The following NRTN variants were observed in gnomAD, a reference collection of about 807,000 sequenced individuals.
NRTN encodes prepro-neurturin.
NRTN carries 3 observed loss-of-function variants against 7.5 expected under a neutral mutation model. The observed-to-expected ratio is 0.40, with a 90% confidence interval of 0.18 to 1.03. The LOEUF (loss-of-function observed/expected upper bound fraction) is 1.03. Among genes scored for constraint, NRTN ranks in the 50% least tolerant of loss-of-function variants. The probability of loss-of-function intolerance (pLI) is 0.34; values close to 1 mark genes in which losing one functional copy is unlikely to be tolerated. For synonymous variants in NRTN, 157 were observed against 146.6 expected (o/e 1.07, Z -0.51); for missense variants, 310 against 307.0 (o/e 1.01, Z -0.07).
At chr19:5,810,706 G>A (rs1048625202) in intron 1 of NRTN, among the ~76,000 whole-genome samples, 10 of 152,066 alleles carry the variant, frequency 6.6e-5, no homozygotes, top group Admixed American at 6.6e-4. Context: ...GGCCGAGGCG[G>A]GCGGATCACG....
At position 5,806,879 on chromosome 19, in the gene NRTN, G is replaced by A. The variant is rs959703392; in HGVS notation, c.-399+1428G>A. Among the ~76,000 whole-genome samples, 5 of 152,146 alleles carry A rather than the reference G, an allele frequency of 3.3e-5. No individual in the cohort carries two copies. Among genetic ancestry groups the A allele is most frequent in the African/African-American group, 7.2e-5 (3 of 41,430 alleles). Reference sequence around the variant, plus strand: ...GAAGGGACTCAAAAAGTTTGCAGCCGGGCACAACACAATCAAAAGATTGTT... The same window carrying A: ...GAAGGGACTCAAAAAGTTTGCAGCCAGGCACAACACAATCAAAAGATTGTT... On this transcript the variant is annotated intron_variant, in intron 1 of 2. Transcript: ENST00000303212. This position sits in a 1 kb window ranked among gnomAD's most constrained non-coding sequence, Gnocchi z 5.4.
At chr19:5,815,265 G>T (rs904033028) in intron 1 of NRTN, among the ~76,000 whole-genome samples, 1 of 152,156 alleles carries the variant, frequency 6.6e-6, no homozygotes, top group Non-Finnish European at 1.5e-5. Context: ...TGTGAGTGGG[G>T]AAAACCTGTG....
intron 1 of NRTN, among the ~76,000 whole-genome samples, chr19:5,809,190 TGAGACGGTGTTGCTCTGTCGCCCAGACTA>T (rs2056982756): frequency 1.3e-5 from 2 of 149,454 alleles, no homozygotes; most frequent in Non-Finnish European, 3.0e-5. Context: ...TTTTTTTTTC[TGAGACGGTGTTGCTCTGTCGCCCAGACTA>T]GAGTGCAGTG....
intron 1 of NRTN, among the ~76,000 whole-genome samples, chr19:5,816,401 C>T (rs767864862): frequency 1.3e-5 from 2 of 151,964 alleles, no homozygotes; most frequent in Admixed American, 6.6e-5. Context: ...ATTTTTGAGA[C>T]GGAGTCTTGC....
chr19:5,814,196 G>A (rs1277821193), intron 1 of NRTN, among the ~76,000 whole-genome samples: 6 of 152,050 alleles, frequency 3.9e-5, no homozygotes, highest in South Asian at 2.1e-4. Flanking sequence ...AAACTCAGCC[G>A]AAGATGTCCC....
In NRTN at chr19:5,827,839, C is replaced by CG; in HGVS notation, c.264dup (p.Pro89AlafsTer151). Reference sequence around the variant, plus strand: ...CGGCCCCCAGGTCCGCGCCGTCGGGCGGGGCCCCGGCGGCGGCGCGCGCGT... The same window carrying CG: ...CGGCCCCCAGGTCCGCGCCGTCGGGCGGGGGCCCCGGCGGCGGCGCGCGCGT... On this transcript the variant is annotated frameshift_variant, in exon 3 of 3. Transcript: ENST00000303212. LOFTEE classifies it low-confidence loss of function (END_TRUNC). The CG allele has an allele frequency of 8.6e-7, 1 of 1,166,394 alleles. No individual in the cohort carries two copies. Among genetic ancestry groups the CG allele is most frequent in the Non-Finnish European group, 1.1e-6 (1 of 949,582 alleles). 72.3% of individuals were successfully genotyped at this position (1,166,394 alleles called of 1,614,324 possible).
At chr19:5,821,294 CTTTTTTTTTTTTTT>C (rs33932385) in intron 1 of NRTN, among the ~76,000 whole-genome samples, 1 of 49,180 alleles carries the variant, frequency 2.0e-5, no homozygotes, top group African/African-American at 9.9e-5. Context: ...CAGTGCCTAG[CTTTTTTTTTTTTTT>C]TTTTTTTTTT....
At chr19:5,810,669 C>T (rs776014330) in intron 1 of NRTN, among the ~76,000 whole-genome samples, 9 of 151,950 alleles carry the variant, frequency 5.9e-5, no homozygotes, top group Non-Finnish European at 7.4e-5. Flanking sequence ...CGCAGTGGCT[C>T]GTGCCTGTAA....
At chr19:5,822,452 C>A (rs892188999) in intron 1 of NRTN, among the ~76,000 whole-genome samples, 3 of 152,220 alleles carry the variant, frequency 2.0e-5, no homozygotes, top group Non-Finnish European at 2.9e-5. Flanking sequence ...CTGGGGGCCG[C>A]GGGACGCTCG....
At chr19:5,815,740 T>G (rs1215650919) in intron 1 of NRTN, among the ~76,000 whole-genome samples, 1 of 130,152 alleles carries the variant, frequency 7.7e-6, no homozygotes, top group Non-Finnish European at 1.5e-5. Flanking sequence ...CCGGCCTGTT[T>G]TTTTTTTTTT....
Position 5,824,039 on chromosome 19 carries a change from C to G in NRTN, c.-127C>G. The G allele has an allele frequency of 8.2e-7, 1 of 1,212,288 alleles. No individual in the cohort carries two copies. The highest frequency in any genetic ancestry group is 1.2e-6 in the Non-Finnish European group (1 of 842,296). 75.1% of individuals were successfully genotyped at this position (1,212,288 alleles called of 1,614,324 possible). On this transcript the variant is annotated 5_prime_UTR_variant, in exon 2 of 3. In the 5' UTR this introduces an upstream ATG that the reference lacks. Coordinates refer to ENST00000303212, the MANE Select transcript of NRTN (RefSeq NM_004558.5). Reference sequence around the variant, plus strand: ...TGAGGGACCATTCCCATGTGATTATCGACCATTCGGCAGGCGTTCAAAGTC... The same window carrying G: ...TGAGGGACCATTCCCATGTGATTATGGACCATTCGGCAGGCGTTCAAAGTC...
intron 2 of NRTN, among the ~76,000 whole-genome samples, chr19:5,825,195 G>A (rs1402670064): frequency 6.6e-6 from 1 of 152,092 alleles, no homozygotes; most frequent in Admixed American, 6.5e-5. Context: ...TGCTGCTATA[G>A]GGACACAGAA....
At chr19:5,820,434 C>T (rs549984955) in intron 1 of NRTN, among the ~76,000 whole-genome samples, 20 of 151,228 alleles carry the variant, frequency 1.3e-4, no homozygotes, top group South Asian at 6.3e-4. Context: ...GGTGTGGTGG[C>T]GGGCGCCTGT....
intron 1 of NRTN, among the ~76,000 whole-genome samples, chr19:5,816,534 A>G (rs1428291099): frequency 7.2e-5 from 11 of 151,992 alleles, no homozygotes. Flanking sequence ...ATCTGCCACC[A>G]TGACTGGCTA....
At chr19:5,824,359 C>T (rs769581372) in intron 2 of NRTN, 25 bp downstream of exon 2, 3 of 1,581,398 alleles carry the variant, frequency 1.9e-6, no homozygotes, top group Non-Finnish European at 2.6e-6. Flanking sequence ...TGTGTGGGGT[C>T]AGATACCCCC....
Position 5,806,921 on chromosome 19 carries a change from G to A in NRTN, c.-399+1470G>A, listed in dbSNP as rs1001181024. ...AAGATTGTTTCGACAAATGTGTGTC[G>A]ATGGCAACCGCGTGGTTGACTGGTG... On this transcript the variant is annotated intron_variant, in intron 1 of 2. Coordinates refer to ENST00000303212, the MANE Select transcript of NRTN (RefSeq NM_004558.5). This position sits in a 1 kb window ranked among gnomAD's most constrained non-coding sequence, Gnocchi z 5.4. Among the ~76,000 whole-genome samples the A allele has an allele frequency of 3.9e-5, 6 of 152,170 alleles. No individual in the cohort carries two copies. The highest frequency in any genetic ancestry group is 2.0e-4 in the Admixed American group (3 of 15,270).
rs1398781869 is a variant in NRTN, at chr19:5,824,095, C to T, written c.-71C>T. The stretch of plus-strand genomic sequence containing the variant: ...CCCCACACTGAGTCCTGGCCCAGCG[C>T]CCTGTGCCCGTTGGCTGCTGGAGGG... On this transcript the variant is annotated 5_prime_UTR_variant, in exon 2 of 3. Transcript: ENST00000303212. 6.3e-7 allele frequency: 1 copy of T among 1,584,038 alleles called. No individual in the cohort carries two copies. Among genetic ancestry groups the T allele is most frequent in the African/African-American group, 1.3e-5 (1 of 74,600 alleles).
At chr19:5,812,178 A>ATTATTG (rs1228895808) in intron 1 of NRTN, among the ~76,000 whole-genome samples, 2 of 150,756 alleles carry the variant, frequency 1.3e-5, no homozygotes, top group African/African-American at 4.9e-5. Context: ...CCCAGTTATT[A>ATTATTG]TTATTATTAT....
intron 1 of NRTN, among the ~76,000 whole-genome samples, chr19:5,815,089 G>A (rs2057000856): frequency 6.6e-6 from 1 of 152,194 alleles, no homozygotes; most frequent in Non-Finnish European, 1.5e-5. Context: ...TCCTCCCACC[G>A]TGTCTGTGCG....
Sources: allele counts gnomAD v4.1 joint callset (sites outside exome capture counted in the v4.1 genomes callset), GRCh38; gene constraint gnomAD v4.1.1; non-coding constraint Gnocchi (gnomAD v3.1); transcripts MANE v1.5; gene names NCBI Gene and HGNC (gene_info 2026-07-23, HGNC 2026-07-21).